PRSS23: variants seen among roughly 807,000 people sequenced by gnomAD.
PRSS23 encodes protease, serine 23.
Under a neutral mutation model 34.7 loss-of-function variants are expected in PRSS23, and 25 were observed. That is an observed-to-expected ratio of 0.72 (90% CI 0.53 to 1.01). The LOEUF is 1.01. Ranked by LOEUF, PRSS23 falls within the 50% of genes least tolerant of loss-of-function variation. PRSS23 has a pLI of 0.00. For synonymous variants in PRSS23, 176 were observed against 186.6 expected (o/e 0.94, Z 0.46); for missense variants, 445 against 475.6 (o/e 0.94, Z 0.60).
intron 2 of PRSS23, among the ~76,000 whole-genome samples, chr11:86,939,426 A>ATATATTT: frequency 0.011 from 1,052 of 93,966 alleles, 18 homozygotes; most frequent in East Asian, 0.025. Flanking sequence ...ATATATATAT[A>ATATATTT]TTTTTTAACA....
intron 2 of PRSS23, chr11:86,946,583 T>C (rs1949244739): frequency 6.6e-6 from 1 of 152,320 alleles, no homozygotes; most frequent in Non-Finnish European, 1.5e-5. Flanking sequence ...ACCGCACAAG[T>C]GCATGGCAAG....
chr11:86,798,787 G>A (rs190881760), upstream of PRSS23, among the ~76,000 whole-genome samples: 2 of 152,196 alleles, frequency 1.3e-5, no homozygotes, highest in Non-Finnish European at 2.9e-5. Flanking sequence ...CCACCTCCTG[G>A]GCTCAAGCCA....
chr11:86,806,440 C>G (rs901901850), intron 1 of PRSS23, among the ~76,000 whole-genome samples: 1 of 152,166 alleles, frequency 6.6e-6, no homozygotes, highest in African/African-American at 2.4e-5. Context: ...ACTGAATGAC[C>G]GAAGCATCAA....
At chr11:86,838,907 A>G (rs1948426610) in intron 2 of PRSS23, among the ~76,000 whole-genome samples, 1 of 152,236 alleles carries the variant, frequency 6.6e-6, no homozygotes, top group Non-Finnish European at 1.5e-5. Flanking sequence ...TAGAAGGAAA[A>G]CTAACAAAGA....
chr11:86,831,443 C>T (rs1476328885), intron 2 of PRSS23, among the ~76,000 whole-genome samples: 1 of 150,946 alleles, frequency 6.6e-6, no homozygotes, highest in East Asian at 2.0e-4. Flanking sequence ...GCAGGTGTAC[C>T]CCCTGTGAAA....
chr11:86,924,206 C>A (rs910671410), intron 2 of PRSS23, among the ~76,000 whole-genome samples: 1 of 152,058 alleles, frequency 6.6e-6, no homozygotes, highest in South Asian at 2.1e-4. Context: ...AATTTAGATG[C>A]AGGAATGTGT....
chr11:86,878,479 G>T (rs1948741860), intron 2 of PRSS23, among the ~76,000 whole-genome samples: 1 of 152,154 alleles, frequency 6.6e-6, no homozygotes, highest in South Asian at 2.1e-4. Flanking sequence ...TGGCTGGGCT[G>T]GTCTCCAGCT....
At chr11:86,904,563 C>T (rs763866844) in intron 2 of PRSS23, among the ~76,000 whole-genome samples, 8 of 152,174 alleles carry the variant, frequency 5.3e-5, no homozygotes, top group African/African-American at 1.7e-4. Flanking sequence ...TCTAAATACC[C>T]GCCCACCTGA....
chr11:86,836,258 G>GT (rs1948404741), intron 2 of PRSS23, among the ~76,000 whole-genome samples: 1 of 152,132 alleles, frequency 6.6e-6, no homozygotes, highest in Admixed American at 6.5e-5. Flanking sequence ...CTATTGCACG[G>GT]TTTTACTAGG....
chr11:86,915,767 G>T (rs1949008658), intron 2 of PRSS23, among the ~76,000 whole-genome samples: 1 of 151,994 alleles, frequency 6.6e-6, no homozygotes, highest in Non-Finnish European at 1.5e-5. Context: ...GAGCATAATG[G>T]GTCAGGTGTG....
intron 2 of PRSS23, among the ~76,000 whole-genome samples, chr11:86,828,689 G>C (rs961616685): frequency 2.0e-5 from 3 of 152,234 alleles, no homozygotes; most frequent in African/African-American, 7.2e-5. Flanking sequence ...GGGCAGGCTT[G>C]GTGGTGACAG....
chr11:86,901,604 A>G (rs1480252900), intron 2 of PRSS23, among the ~76,000 whole-genome samples: 1 of 152,166 alleles, frequency 6.6e-6, no homozygotes, highest in East Asian at 1.9e-4. Flanking sequence ...GCATTTATCA[A>G]AACCAGAAAG....
At chr11:86,838,999 C>A (rs1948427560) in intron 2 of PRSS23, among the ~76,000 whole-genome samples, 1 of 151,802 alleles carries the variant, frequency 6.6e-6, no homozygotes, top group Non-Finnish European at 1.5e-5. Context: ...ATATCAAAGA[C>A]CAAAGGTAGA....
At chr11:86,828,890 G>C (rs944674613) in intron 2 of PRSS23, among the ~76,000 whole-genome samples, 2 of 152,170 alleles carry the variant, frequency 1.3e-5, no homozygotes, top group African/African-American at 4.8e-5. Context: ...GCTTCCGTTT[G>C]TGGGTAACCC....
rs12283344 is a variant in PRSS23 at position 86,860,215 on chromosome 11, C to T, written c.206+36622C>T. On this transcript the variant is annotated intron_variant, in intron 2 of 2. Coordinates refer to the PRSS23 transcript ENST00000533902. ...TACTCCAAATATCTCAGGTGTTGTT[C>T]ACACCCCCTGTGATATTGTCGCTCA... 4.7e-3 allele frequency among the ~76,000 whole-genome samples: 720 copies of T among 151,908 alleles called. 11 individuals carry two copies. Among genetic ancestry groups the T allele is most frequent in the African/African-American group, 0.017 (699 of 41,384 alleles).
At chr11:86,814,011 G>A (rs148065899), downstream of PRSS23, among the ~76,000 whole-genome samples, 4 of 152,332 alleles carry the variant, frequency 2.6e-5, no homozygotes, top group African/African-American at 9.6e-5. Flanking sequence ...ATGACTGCTT[G>A]GCTTGGGGCC....
intron 2 of PRSS23, chr11:86,921,514 G>A (rs1451715230): frequency 6.6e-6 from 1 of 152,164 alleles, no homozygotes; most frequent in African/African-American, 2.4e-5. Flanking sequence ...CCTCACAAAG[G>A]AGCATATGCT....
intron 2 of PRSS23, among the ~76,000 whole-genome samples, chr11:86,888,155 A>G (rs1948817908): frequency 6.6e-6 from 1 of 151,880 alleles, no homozygotes; most frequent in African/African-American, 2.4e-5. Context: ...AAGCTGCCAC[A>G]TAAGGCATGG....
chr11:86,840,410 G>C (rs1948438779), intron 2 of PRSS23, among the ~76,000 whole-genome samples: 1 of 152,180 alleles, frequency 6.6e-6, no homozygotes, highest in African/African-American at 2.4e-5. Context: ...TAAACAAGAA[G>C]AGCTAACTAT....
Sources: allele counts gnomAD v4.1 joint callset (sites outside exome capture counted in the v4.1 genomes callset), GRCh38; gene constraint gnomAD v4.1.1; transcripts MANE v1.5; gene names NCBI Gene and HGNC (gene_info 2026-07-23, HGNC 2026-07-21).